IL2RB: variants seen among roughly 807,000 people sequenced by gnomAD.
The protein encoded by IL2RB is interleukin-2 receptor subunit beta.
Under a neutral mutation model 44.2 loss-of-function variants are expected in IL2RB, and 17 were observed. That is an observed-to-expected ratio of 0.38 (90% CI 0.26 to 0.58). The LOEUF is 0.58. IL2RB is among the 20% of genes least tolerant of loss of function. IL2RB has a pLI of 0.63. For synonymous variants in IL2RB, 286 were observed against 297.9 expected (o/e 0.96, Z 0.41); for missense variants, 624 against 685.5 (o/e 0.91, Z 1.00).
chr22:37,172,941 T>C (rs1923338675), intron 1 of IL2RB, among the ~76,000 whole-genome samples: 2 of 152,086 alleles, frequency 1.3e-5, no homozygotes, highest in Non-Finnish European at 2.9e-5. Flanking sequence ...CCTCCAGCCA[T>C]CCTCTGAGAA....
At chr22:37,173,903 A>C (rs1328138276) in intron 1 of IL2RB, among the ~76,000 whole-genome samples, 1 of 152,206 alleles carries the variant, frequency 6.6e-6, no homozygotes, top group Non-Finnish European at 1.5e-5. Flanking sequence ...CACATCTGGG[A>C]AGATTTCCTG....
intron 1 of IL2RB, among the ~76,000 whole-genome samples, chr22:37,167,623 G>A (rs550927981): frequency 3.3e-5 from 5 of 152,292 alleles, no homozygotes; most frequent in African/African-American, 4.8e-5. Context: ...CTCAGCCTGC[G>A]GTCACTTTCT....
At chr22:37,164,503 G>A (rs1418138626) in intron 1 of IL2RB, among the ~76,000 whole-genome samples, 6 of 151,690 alleles carry the variant, frequency 4.0e-5, no homozygotes, top group Non-Finnish European at 7.4e-5. Flanking sequence ...GGTGGGCAGG[G>A]GGGATGGTGG....
At chr22:37,136,512 C>G in intron 6 of IL2RB, 119 bp from the exon 7 acceptor site, 1 of 1,133,526 alleles carries the variant, frequency 8.8e-7, no homozygotes, top group Non-Finnish European at 1.2e-6. Flanking sequence ...CCTTGCCACC[C>G]AAAGCTCCCT....
intron 1 of IL2RB, among the ~76,000 whole-genome samples, chr22:37,169,850 C>T (rs1325296895): frequency 1.3e-5 from 2 of 152,198 alleles, no homozygotes; most frequent in Non-Finnish European, 2.9e-5. Flanking sequence ...GGGTGCTCCC[C>T]AAGGGCAGGA....
chr22:37,128,600 G>A lies in IL2RB; in HGVS notation c.1152C>T (p.Tyr384=), dbSNP rs146986731. The A allele has an allele frequency of 1.3e-3, 2,036 of 1,614,096 alleles. 3 individuals are homozygous for A. Among genetic ancestry groups the A allele is most frequent in the South Asian group, 2.4e-3 (220 of 91,086 alleles). The part of the protein sequence containing the change: ...EIEACQVYFT[Y]DPYSEEDPDE... Reference sequence around the variant, plus strand: ...CAGGGTCTTCCTCTGAGTAGGGGTCGTAAGTAAAGTACACCTGGCAGGCCT... The same window carrying A: ...CAGGGTCTTCCTCTGAGTAGGGGTCATAAGTAAAGTACACCTGGCAGGCCT... The change falls in exon 10 of 10, where the codon TAC becomes TAT. Residue 384 remains tyrosine (Y), a synonymous_variant. Coordinates refer to ENST00000216223, the MANE Select transcript of IL2RB (RefSeq NM_000878.5). This position sits in a 1 kb window ranked among gnomAD's most constrained non-coding sequence, Gnocchi z 4.5.
chr22:37,133,733 G>A (rs1030581215), intron 8 of IL2RB, among the ~76,000 whole-genome samples: 3 of 152,178 alleles, frequency 2.0e-5, no homozygotes, highest in African/African-American at 4.8e-5. Context: ...ATGACTGCTC[G>A]GCACACGGCC....
In IL2RB at chr22:37,139,128, G is replaced by C; in HGVS notation, c.377C>G (p.Pro126Arg). ...GCTTCCTCACTCACGGTTCTCAAAG[G>C]GCTTGAAGTCCTGGATGGCCATCAC... Reference protein sequence around the residue: ...WRVMAIQDFKPFENLRLMAPI... With the variant: ...WRVMAIQDFKRFENLRLMAPI... The change falls in exon 5 of 10, where the codon CCC becomes CGC. Residue 126 changes from proline (P) to arginine (R), a missense_variant. This residue lies in a region of IL2RB where 255 missense variants were observed against 339.9 expected (regional missense o/e 0.75). Coordinates refer to ENST00000216223, the MANE Select transcript of IL2RB (RefSeq NM_000878.5). The C allele has an allele frequency of 6.2e-7, 1 of 1,611,854 alleles. No individual in the cohort carries two copies. The highest frequency in any genetic ancestry group is 8.5e-7 in the Non-Finnish European group (1 of 1,177,972).
At chr22:37,151,454 G>T (rs6000582), upstream of IL2RB, among the ~76,000 whole-genome samples, 5,444 of 152,192 alleles carry the variant, frequency 0.036, 296 homozygotes, top group African/African-American at 0.12. Context: ...TCCTTATCTA[G>T]TCCAGTTATT....
intron 9 of IL2RB, among the ~76,000 whole-genome samples, chr22:37,132,176 G>T (rs1921464977): frequency 6.6e-6 from 1 of 152,202 alleles, no homozygotes; most frequent in South Asian, 2.1e-4. Flanking sequence ...CACACAGCCA[G>T]AATGTGGTGG....
chr22:37,136,495 C>T (rs1921711980), intron 6 of IL2RB, 102 bp from the exon 7 acceptor site: 6 of 1,307,956 alleles, frequency 4.6e-6, no homozygotes, highest in East Asian at 2.5e-5. Context: ...CAGCTGCACC[C>T]CCACTTCCTT....
chr22:37,138,144 C>T (rs142302456), intron 5 of IL2RB, among the ~76,000 whole-genome samples: 3 of 152,270 alleles, frequency 2.0e-5, no homozygotes, highest in Non-Finnish European at 2.9e-5. Flanking sequence ...GAATGACTCA[C>T]GGCAGCTTTT....
chr22:37,155,354 C>T (rs920219684), intron 1 of IL2RB, among the ~76,000 whole-genome samples: 4 of 152,150 alleles, frequency 2.6e-5, no homozygotes, highest in African/African-American at 7.2e-5. Context: ...ACTCAAATCA[C>T]GTCATTTCAC....
At chr22:37,140,715 G>A (rs907767961) in intron 4 of IL2RB, among the ~76,000 whole-genome samples, 3 of 152,172 alleles carry the variant, frequency 2.0e-5, no homozygotes, top group Admixed American at 1.3e-4. Context: ...CTTGGAGCCC[G>A]CTGCCGCCCA....
At chr22:37,132,939 G>T (rs776644743) in intron 8 of IL2RB, among the ~76,000 whole-genome samples, 2 of 152,228 alleles carry the variant, frequency 1.3e-5, no homozygotes, top group Admixed American at 6.5e-5. Context: ...AGGGCATTAG[G>T]CTTGGGCAGG....
chr22:37,127,760 GGA>G lies in IL2RB; in HGVS notation c.*334_*335del, dbSNP rs1299591334. 2 of 200,498 alleles carry G rather than the reference GGA, an allele frequency of 1.0e-5. No homozygotes were observed. The highest frequency in any genetic ancestry group is 4.6e-5 in the African/African-American group (2 of 43,340). The allele number at this position is 200,498 out of a possible 1,614,324, so 12.4% of individuals were successfully genotyped here. On this transcript the variant is annotated 3_prime_UTR_variant, in exon 10 of 10. Coordinates refer to ENST00000216223, the MANE Select transcript of IL2RB (RefSeq NM_000878.5). ...GGCAGGGAGCCCTGGAGAGCCGCGA[GGA>G]CTGATATTGGTGAATAGCTGCAGGG...
intron 7 of IL2RB, among the ~76,000 whole-genome samples, chr22:37,135,953 G>T (rs1921669452): frequency 6.6e-6 from 1 of 152,118 alleles, no homozygotes; most frequent in South Asian, 2.1e-4. Context: ...GCCACCCCCA[G>T]CCCCAGAAGA....
At chr22:37,131,764 T>G in intron 9 of IL2RB, among the ~76,000 whole-genome samples, 1 of 147,428 alleles carries the variant, frequency 6.8e-6, no homozygotes, top group African/African-American at 2.5e-5. Flanking sequence ...TGAGATGGAG[T>G]CTCACTCTGT....
intron 9 of IL2RB, among the ~76,000 whole-genome samples, chr22:37,129,439 T>C (rs1001563179): frequency 1.3e-5 from 2 of 151,800 alleles, no homozygotes; most frequent in Admixed American, 1.3e-4. Flanking sequence ...TTTCCCCCAG[T>C]TCCCTGCAGT....
Sources: gnomAD v4.1 joint callset for allele counts (sites outside exome capture counted in the v4.1 genomes callset) on GRCh38, gnomAD v4.1.1 for gene constraint, gnomAD v4.1.1 regional missense constraint, Gnocchi (gnomAD v3.1) non-coding constraint, MANE v1.5 for transcripts, NCBI Gene and HGNC (gene_info 2026-07-23, HGNC 2026-07-21) for gene names.